The following CACNA2D3 variants were observed in gnomAD, a reference collection of about 807,000 sequenced individuals.
The protein encoded by CACNA2D3 is voltage-dependent calcium channel subunit alpha-2/delta-3.
A neutral mutation model predicts 160.6 loss-of-function variants in CACNA2D3; 60 were observed. That is an observed-to-expected ratio of 0.37 (90% CI 0.30 to 0.46). The LOEUF is 0.46. CACNA2D3 is among the 20% of genes least tolerant of loss of function. The probability of loss-of-function intolerance (pLI) is 1.00; values close to 1 mark genes in which losing one functional copy is unlikely to be tolerated. For synonymous variants in CACNA2D3, 558 were observed against 492.9 expected (o/e 1.13, Z -1.75); for missense variants, 1,205 against 1,365.0 (o/e 0.88, Z 1.85).
intron 5 of CACNA2D3, among the ~76,000 whole-genome samples, chr3:54,535,161 G>A (rs945218803): frequency 2.6e-5 from 4 of 152,136 alleles, no homozygotes; most frequent in African/African-American, 9.7e-5. Context: ...CAAAACAACA[G>A]CATCAATATC....
intron 9 of CACNA2D3, among the ~76,000 whole-genome samples, chr3:54,606,224 T>C (rs1424230553): frequency 6.6e-6 from 1 of 152,128 alleles, no homozygotes; most frequent in Non-Finnish European, 1.5e-5. Context: ...TGTTTTATAC[T>C]TTTCAGGGGC....
chr3:54,623,539 G>A (rs1248630053), intron 9 of CACNA2D3, among the ~76,000 whole-genome samples: 1 of 152,202 alleles, frequency 6.6e-6, no homozygotes, highest in African/African-American at 2.4e-5. Flanking sequence ...TCAGAAGAAG[G>A]GGACTTGATG....
intron 27 of CACNA2D3, among the ~76,000 whole-genome samples, chr3:54,961,107 A>G (rs545375075): frequency 6.6e-6 from 1 of 152,362 alleles, no homozygotes; most frequent in East Asian, 1.9e-4. Context: ...GGCTTGGGTA[A>G]TGGCTATTAC....
At chr3:54,411,392 C>T (rs961292756) in intron 4 of CACNA2D3, among the ~76,000 whole-genome samples, 32 of 152,090 alleles carry the variant, frequency 2.1e-4, no homozygotes, top group African/African-American at 7.5e-4. Flanking sequence ...TCATTATTGT[C>T]TTATTTTAAG....
intron 2 of CACNA2D3, among the ~76,000 whole-genome samples, chr3:54,257,697 A>G (rs73089619): frequency 0.15 from 22,289 of 152,098 alleles, 2,136 homozygotes; most frequent in Middle Eastern, 0.22. Flanking sequence ...AAACCTTAAG[A>G]GTGTTTCAAT....
At chr3:54,742,825 C>A (rs982604430) in intron 11 of CACNA2D3, among the ~76,000 whole-genome samples, 1 of 152,196 alleles carries the variant, frequency 6.6e-6, no homozygotes, top group Non-Finnish European at 1.5e-5. Context: ...ATCTTCCATC[C>A]ATGGGAGGCC....
chr3:54,246,561 C>T (rs1288922247), intron 2 of CACNA2D3, among the ~76,000 whole-genome samples: 1 of 3,472 alleles, frequency 2.9e-4, no homozygotes, highest in South Asian at 1.7e-3. Context: ...GGCGTGGTTG[C>T]GGCTGTCTGT....
intron 3 of CACNA2D3, among the ~76,000 whole-genome samples, chr3:54,363,898 CTG>C (rs1456481651): frequency 6.6e-6 from 1 of 152,184 alleles, no homozygotes; most frequent in East Asian, 1.9e-4. Context: ...CTCTGAGCCT[CTG>C]TGCACCACCA....
chr3:55,073,898 G>GAATC (rs773449913), intron 37 of CACNA2D3, 39 bp downstream of exon 37: 67 of 1,517,266 alleles, frequency 4.4e-5, no homozygotes, highest in Non-Finnish European at 5.8e-5. Flanking sequence ...TTTCCCATCA[G>GAATC]AATCACCACG....
chr3:54,737,009 A>G (rs1370524031), intron 11 of CACNA2D3, among the ~76,000 whole-genome samples: 1 of 152,048 alleles, frequency 6.6e-6, no homozygotes, highest in East Asian at 1.9e-4. Context: ...TAATCCCTCT[A>G]TTTCTTTTAG....
In CACNA2D3 at chr3:54,215,782, G is replaced by A. The variant is rs114192212; in HGVS notation, c.204+92188G>A. On this transcript the variant is annotated intron_variant, in intron 2 of 37. Coordinates refer to ENST00000474759, the MANE Select transcript of CACNA2D3 (RefSeq NM_018398.3). ...TTTATTTCCTCTGGTCTCAGTTGCCGGAAGAGAAGTAAGGATAATGCAGGG... is the reference window on the plus strand; with the variant it reads ...TTTATTTCCTCTGGTCTCAGTTGCCAGAAGAGAAGTAAGGATAATGCAGGG... Among the ~76,000 whole-genome samples the A allele has an allele frequency of 6.3e-3, 962 of 152,258 alleles. 16 individuals carry two copies. Among genetic ancestry groups the A allele is most frequent in the African/African-American group, 0.022 (932 of 41,542 alleles).
At chr3:54,727,389 C>T (rs1261684752) in intron 11 of CACNA2D3, among the ~76,000 whole-genome samples, 1 of 152,148 alleles carries the variant, frequency 6.6e-6, no homozygotes, top group African/African-American at 2.4e-5. Context: ...CGATTTGACC[C>T]AGCAATCCCA....
chr3:54,567,749 TG>T (rs1702431860), intron 6 of CACNA2D3, among the ~76,000 whole-genome samples: 1 of 152,208 alleles, frequency 6.6e-6, no homozygotes, highest in Non-Finnish European at 1.5e-5. Flanking sequence ...TTGGCCAGGC[TG>T]GTCTTTAACT....
At chr3:54,545,543 T>C (rs904547182) in intron 5 of CACNA2D3, among the ~76,000 whole-genome samples, 8 of 152,246 alleles carry the variant, frequency 5.3e-5, no homozygotes, top group South Asian at 2.1e-4. Context: ...TTCTTTTTTT[T>C]CTTTACATCC....
chr3:54,487,909 C>A (rs1014486079), intron 4 of CACNA2D3, among the ~76,000 whole-genome samples: 1 of 152,186 alleles, frequency 6.6e-6, no homozygotes, highest in African/African-American at 2.4e-5. Context: ...AGAACATGCC[C>A]ATCATCATAC....
At chr3:54,717,672 GGTGTGTGTGGTGTGTGCGTGC>G (rs1372970517) in intron 11 of CACNA2D3, among the ~76,000 whole-genome samples, 6 of 144,312 alleles carry the variant, frequency 4.2e-5, no homozygotes, top group South Asian at 2.2e-4. Context: ...ATGCATGTGT[GGTGTGTGTGGTGTGTGCGTGC>G]GTGTGTGTGG....
intron 2 of CACNA2D3, among the ~76,000 whole-genome samples, chr3:54,262,172 A>G (rs1702412859): frequency 6.6e-6 from 1 of 152,114 alleles, no homozygotes; most frequent in Non-Finnish European, 1.5e-5. Context: ...GGATGGGTAG[A>G]TTTTGCTGAT....
At chr3:54,510,672 C>G (rs1701445390) in intron 5 of CACNA2D3, among the ~76,000 whole-genome samples, 1 of 152,126 alleles carries the variant, frequency 6.6e-6, no homozygotes, top group African/African-American at 2.4e-5. Flanking sequence ...GATTGGCAGG[C>G]CTGGGCTTGT....
At chr3:54,637,734 A>G (rs879593678) in intron 10 of CACNA2D3, 4 of 152,056 alleles carry the variant, frequency 2.6e-5, no homozygotes, top group Non-Finnish European at 5.9e-5. Flanking sequence ...TTCTGAGGCG[A>G]TCAGGCAGCG....
Sources: gnomAD v4.1 joint callset for allele counts (sites outside exome capture counted in the v4.1 genomes callset) on GRCh38, gnomAD v4.1.1 for gene constraint, MANE v1.5 for transcripts, NCBI Gene and HGNC (gene_info 2026-07-23, HGNC 2026-07-21) for gene names.